The following MYOM3 variants were observed in gnomAD, a reference collection of about 807,000 sequenced individuals.
The protein encoded by MYOM3 is myomesin-3.
MYOM3 carries 155 observed loss-of-function variants against 191.7 expected under a neutral mutation model. The ratio of observed to expected loss-of-function variants is 0.81; its 90% CI spans 0.71 to 0.92. The LOEUF is 0.92. MYOM3 is among the 40% of genes least tolerant of loss of function. The pLI is 0.00. For synonymous variants in MYOM3, 757 were observed against 762.9 expected (o/e 0.99, Z 0.13); for missense variants, 1,889 against 1,890.6 (o/e 1.00, Z 0.02).
intron 15 of MYOM3, 149 bp from the exon 16 acceptor site, chr1:24,084,788 C>G: frequency 1.4e-6 from 1 of 721,836 alleles, no homozygotes; most frequent in East Asian, 2.5e-5. Context: ...GCTTTGGGAC[C>G]TCTTCCCTAG....
intron 5 of MYOM3, among the ~76,000 whole-genome samples, chr1:24,101,618 G>A (rs541955165): frequency 6.6e-6 from 1 of 152,292 alleles, no homozygotes; most frequent in South Asian, 2.1e-4. Context: ...TGGGTGTGGT[G>A]GGGTGTGCCT....
intron 10 of MYOM3, 39 bp from the exon 11 acceptor site, chr1:24,092,354 T>C (rs1052294582): frequency 2.0e-5 from 27 of 1,337,916 alleles, no homozygotes; most frequent in Non-Finnish European, 2.4e-5. Context: ...TTCTAGTCAG[T>C]GGCCATTTGG....
Position 24,111,280 on chromosome 1 carries a change from C to T in MYOM3, c.-19+751G>A, listed in dbSNP as rs1340609957. On this transcript the variant is annotated intron_variant, in intron 1 of 36. Coordinates refer to ENST00000374434, the MANE Select transcript of MYOM3 (RefSeq NM_152372.4). The surrounding 1 kb of genome is among the most constrained non-coding windows in gnomAD (Gnocchi z 4.7). The stretch of plus-strand genomic sequence containing the variant: ...GCCTTCCCTATTCCCCTCTGCTTTC[C>T]TCCCAAGCCTCCATCTGCCGAGGAG... Among the ~76,000 whole-genome samples, 6 of 152,226 alleles carry T rather than the reference C, an allele frequency of 3.9e-5. No individual in the cohort carries two copies. The highest frequency in any genetic ancestry group is 2.0e-4 in the Admixed American group (3 of 15,284).
At chr1:24,091,083 G>C (rs1254661328) in intron 11 of MYOM3, 87 bp from the exon 12 acceptor site, 1 of 1,435,686 alleles carries the variant, frequency 7.0e-7, no homozygotes. Flanking sequence ...TTCTCTGACT[G>C]GGGGAGCCTG....
intron 12 of MYOM3, 59 bp downstream of exon 12, chr1:24,090,738 C>CAG: frequency 1.3e-6 from 2 of 1,557,846 alleles, no homozygotes; most frequent in South Asian, 2.3e-5. Context: ...CTGTGTGAGA[C>CAG]AGTCCTGAGG....
chr1:24,090,930 T>G lies in MYOM3; in HGVS notation c.1299A>C (p.Pro433=), dbSNP rs756583007. The change falls in exon 12 of 37, where the codon CCA becomes CCC. Residue 433 remains proline, a synonymous_variant. Coordinates refer to ENST00000374434, the MANE Select transcript of MYOM3 (RefSeq NM_152372.4). ...HEAPGGTCRC[P]IQGLVEGQSY... ...TCTGACCTTCGACGAGGCCTTGGAT[T>G]GGGCACCGACAAGTCCCTCCGGGGG... The G allele has an allele frequency of 1.2e-6, 2 of 1,614,108 alleles. No homozygotes were observed. Among genetic ancestry groups the G allele is most frequent in the Non-Finnish European group, 1.7e-6 (2 of 1,179,994 alleles).
chr1:24,070,158 A>G (rs1019357522), intron 25 of MYOM3, among the ~76,000 whole-genome samples: 1 of 152,256 alleles, frequency 6.6e-6, no homozygotes, highest in African/African-American at 2.4e-5. Context: ...ATTTCAATAT[A>G]TAGGTGCTTG....
intron 29 of MYOM3, 51 bp downstream of exon 29, chr1:24,065,840 T>C: frequency 7.1e-7 from 1 of 1,412,306 alleles, no homozygotes; most frequent in Non-Finnish European, 1.0e-6. Context: ...TGGCCCTCCC[T>C]GGCTTGCAGC....
At chr1:24,100,817 G>T (rs1346455652) in intron 5 of MYOM3, among the ~76,000 whole-genome samples, 1 of 151,808 alleles carries the variant, frequency 6.6e-6, no homozygotes, top group Admixed American at 6.6e-5. Flanking sequence ...AACCCAGGGG[G>T]CGGAGCTTGC....
intron 9 of MYOM3, 143 bp from the exon 10 acceptor site, chr1:24,093,251 G>GT: frequency 1.6e-6 from 1 of 629,948 alleles, no homozygotes; most frequent in East Asian, 2.7e-5. Context: ...GGTGGGGGTG[G>GT]TGGCCTCCAG....
intron 23 of MYOM3, among the ~76,000 whole-genome samples, chr1:24,073,445 G>A (rs10903082): frequency 0.39 from 59,477 of 151,836 alleles, 12,039 homozygotes; most frequent in East Asian, 0.44. Flanking sequence ...AGTCCCCAGC[G>A]CTCCCTATTG....
chr1:24,104,816 G>A (rs960714319), intron 5 of MYOM3, among the ~76,000 whole-genome samples: 1 of 152,212 alleles, frequency 6.6e-6, no homozygotes, highest in Admixed American at 6.5e-5. Flanking sequence ...CCAAAGTGCT[G>A]GAGGTGGGCC....
At chr1:24,078,474 C>T (rs752020029) in intron 20 of MYOM3, among the ~76,000 whole-genome samples, 36 of 152,240 alleles carry the variant, frequency 2.4e-4, no homozygotes, top group African/African-American at 7.7e-4. Context: ...GGACATGCAC[C>T]GTATCCTATT....
At chr1:24,074,371 A>G in intron 22 of MYOM3, 102 bp from the exon 23 acceptor site, 1 of 797,042 alleles carries the variant, frequency 1.3e-6, no homozygotes, top group South Asian at 1.7e-5. Flanking sequence ...GTGAGCCTGT[A>G]CCCCAAGCAG....
At position 24,097,925 on chromosome 1, in the gene MYOM3, C is replaced by T. The variant is rs139828169; in HGVS notation, c.743G>A (p.Arg248His). 6.1e-5 allele frequency: 98 copies of T among 1,610,322 alleles called. No individual in the cohort carries two copies. The highest frequency in any genetic ancestry group is 8.0e-5 in the Non-Finnish European group (94 of 1,176,552). ...CTGTTGGGGTTGGGAGGACTTACTG[C>T]GGACGAGGACTTTGGCGAAGGAGGA... is the stretch of plus-strand genomic sequence containing the variant. ...QASSFAKVLVRTYLGKDAGFD... is the reference protein window; with the variant it reads ...QASSFAKVLVHTYLGKDAGFD... Residue 248 changes from arginine to histidine, a missense_variant and splice_region_variant, in exon 7 of 37, where the codon CGC becomes CAC. Arg to His is a conservative substitution (Grantham distance 29). Transcript: ENST00000374434.
chr1:24,092,063 G>C (rs944803312), intron 11 of MYOM3, 111 bp downstream of exon 11: 8 of 1,073,030 alleles, frequency 7.5e-6, no homozygotes, highest in Non-Finnish European at 1.0e-5. Context: ...CTGAGGAGCG[G>C]GGGTGTGAGG....
At position 24,093,006 on chromosome 1, in the gene MYOM3, A is replaced by T; in HGVS notation, c.1031T>A (p.Met344Lys). 1 of 1,611,782 alleles carries T rather than the reference A, an allele frequency of 6.2e-7. No homozygotes were observed. The highest frequency in any genetic ancestry group is 8.5e-7 in the Non-Finnish European group (1 of 1,179,288). The change falls in exon 10 of 37, where the codon ATG becomes AAG. Residue 344 changes from methionine to lysine, a missense_variant. Coordinates refer to ENST00000374434, the MANE Select transcript of MYOM3 (RefSeq NM_152372.4). ...TCCGAAGGGCGAGGGCACCCGGACC[A>T]TGTAGAGCCCCTCGTCCTCCTTGTA... ...CTYKEDEGLY[M>K]VRVPSPFGPR...
chr1:24,108,644 A>G lies in MYOM3; in HGVS notation c.-8T>C. 1 of 1,544,990 alleles carries G rather than the reference A, an allele frequency of 6.5e-7. No individual in the cohort carries two copies. The highest frequency in any genetic ancestry group is 2.1e-5 in the Admixed American group (1 of 47,542). ...GCTGTGCGGCAGAGTCATGGTTACG[A>G]GAGCAACAACCTGTGAAGGCCAAGG... On this transcript the variant is annotated 5_prime_UTR_variant, in exon 2 of 37. Coordinates refer to ENST00000374434, the MANE Select transcript of MYOM3 (RefSeq NM_152372.4).
chr1:24,097,331 C>T (rs1372834935), intron 7 of MYOM3, among the ~76,000 whole-genome samples: 1 of 152,172 alleles, frequency 6.6e-6, no homozygotes, highest in Non-Finnish European at 1.5e-5. Context: ...GTGGGTTCGC[C>T]TTGAATAACT....
Sources: gnomAD v4.1 joint callset for allele counts (sites outside exome capture counted in the v4.1 genomes callset) on GRCh38, gnomAD v4.1.1 for gene constraint, Gnocchi (gnomAD v3.1) non-coding constraint, MANE v1.5 for transcripts, NCBI Gene and HGNC (gene_info 2026-07-23, HGNC 2026-07-21) for gene names.